RBFOX1: variants seen among roughly 807,000 people sequenced by gnomAD.
RBFOX1 encodes the protein RNA binding protein fox-1 homolog 1.
In RBFOX1, 8 loss-of-function variants were observed where a neutral mutation model predicts 57.7. The observed-to-expected ratio is 0.14, with a 90% CI of 0.08 to 0.25. The LOEUF (loss-of-function observed/expected upper bound fraction) is 0.25. RBFOX1 is among the 10% of genes least tolerant of loss of function. The pLI, the probability that RBFOX1 is intolerant of heterozygous loss-of-function variation, is 1.00. For missense variants in RBFOX1, 611 were observed against 548.5 expected, an observed-to-expected ratio of 1.11 and a Z score of -1.14; for synonymous variants, 326 against 222.4, an observed-to-expected ratio of 1.47 and a Z score of -4.15.
chr16:7,220,966 C>T (rs910266289), intron 4 of RBFOX1, among the ~76,000 whole-genome samples: 1 of 152,132 alleles, frequency 6.6e-6, no homozygotes, highest in Non-Finnish European at 1.5e-5. Context: ...GAGAAAGGGA[C>T]ACCTGTCCAG....
At chr16:5,281,482 G>C (rs749500875) in intron 1 of RBFOX1, among the ~76,000 whole-genome samples, 4 of 152,070 alleles carry the variant, frequency 2.6e-5, no homozygotes, top group African/African-American at 4.8e-5. Context: ...TTTCTTTGTT[G>C]ATTTTATATC....
In RBFOX1 at chr16:5,962,267, G is replaced by A. The variant is rs568270658; in HGVS notation, c.351+94932G>A. 2.6e-5 allele frequency among the ~76,000 whole-genome samples: 4 copies of A among 152,256 alleles called. No homozygotes were observed. The East Asian group carries it at 7.7e-4, about 29-fold the overall frequency. On this transcript the variant is annotated intron_variant, in intron 4 of 19. Transcript: ENST00000641259. ...TTCTCATCAAGCCTGAGCTATTACA[G>A]TATTTCCCTAAATTGTTTCCCAGAC...
chr16:7,197,176 T>C (rs908434676), intron 4 of RBFOX1, among the ~76,000 whole-genome samples: 1 of 152,176 alleles, frequency 6.6e-6, no homozygotes, highest in Non-Finnish European at 1.5e-5. Flanking sequence ...CTCCAGGCTG[T>C]TGAAACTAAG....
intron 1 of RBFOX1, among the ~76,000 whole-genome samples, chr16:6,109,292 A>G (rs2096417180): frequency 6.6e-6 from 1 of 152,160 alleles, no homozygotes; most frequent in African/African-American, 2.4e-5. Context: ...AATATGTAAT[A>G]TTTATATTTC....
chr16:5,740,941 T>A (rs557373162), intron 3 of RBFOX1, among the ~76,000 whole-genome samples: 79 of 152,224 alleles, frequency 5.2e-4, no homozygotes, highest in African/African-American at 1.8e-3. Context: ...ACTGGAGTCA[T>A]GATGAGTTGG....
intron 4 of RBFOX1, among the ~76,000 whole-genome samples, chr16:7,489,894 C>T (rs8051283): frequency 0.039 from 6,000 of 152,102 alleles, 370 homozygotes; most frequent in African/African-American, 0.14. Context: ...TTTAATGATG[C>T]ATGTACAATG....
intron 4 of RBFOX1, among the ~76,000 whole-genome samples, chr16:7,385,635 G>T (rs1381869074): frequency 1.3e-5 from 2 of 152,186 alleles, no homozygotes; most frequent in African/African-American, 4.8e-5. Flanking sequence ...GTTGAAACTT[G>T]TTTTCAAAAC....
chr16:7,313,200 C>T (rs904237688), intron 4 of RBFOX1, among the ~76,000 whole-genome samples: 59 of 152,338 alleles, frequency 3.9e-4, no homozygotes, highest in African/African-American at 1.4e-3. Flanking sequence ...TCTGCTTAAA[C>T]TCGTTGACAG....
intron 1 of RBFOX1, among the ~76,000 whole-genome samples, chr16:6,310,456 T>C (rs2080116573): frequency 6.6e-6 from 1 of 152,200 alleles, no homozygotes; most frequent in African/African-American, 2.4e-5. Flanking sequence ...GCGTAGCGCT[T>C]GGCTGTTTGG....
chr16:5,962,998 G>A (rs1341241618), intron 4 of RBFOX1, among the ~76,000 whole-genome samples: 1 of 151,910 alleles, frequency 6.6e-6, no homozygotes, highest in African/African-American at 2.4e-5. Context: ...TTTAGAAAGT[G>A]TTAACTTAAT....
intron 1 of RBFOX1, among the ~76,000 whole-genome samples, chr16:6,094,684 C>A (rs941618914): frequency 6.6e-6 from 1 of 152,200 alleles, no homozygotes; most frequent in Non-Finnish European, 1.5e-5. Flanking sequence ...TGCATCTTAT[C>A]CTATGACTCA....
intron 3 of RBFOX1, among the ~76,000 whole-genome samples, chr16:5,786,818 G>A (rs1046166963): frequency 4.6e-5 from 7 of 152,148 alleles, no homozygotes; most frequent in African/African-American, 1.4e-4. Context: ...AGTGATGGGA[G>A]GGAAGGAAGT....
At chr16:6,083,145 G>T (rs2096031975) in intron 1 of RBFOX1, among the ~76,000 whole-genome samples, 1 of 152,102 alleles carries the variant, frequency 6.6e-6, no homozygotes, top group African/African-American at 2.4e-5. Flanking sequence ...GGGACCAGAG[G>T]CATGCACTAC....
At chr16:5,536,930 T>C (rs545492048) in intron 2 of RBFOX1, among the ~76,000 whole-genome samples, 2 of 152,290 alleles carry the variant, frequency 1.3e-5, no homozygotes, top group African/African-American at 2.4e-5. Flanking sequence ...CTGGTTTACA[T>C]TGCTTACATA....
At chr16:7,248,546 T>A (rs1372177771) in intron 4 of RBFOX1, among the ~76,000 whole-genome samples, 1 of 152,184 alleles carries the variant, frequency 6.6e-6, no homozygotes, top group Non-Finnish European at 1.5e-5. Context: ...CACAGATGGT[T>A]TTACCTGTCA....
At chr16:6,024,910 C>A (rs2095158154) in intron 1 of RBFOX1, among the ~76,000 whole-genome samples, 1 of 152,186 alleles carries the variant, frequency 6.6e-6, no homozygotes, top group Non-Finnish European at 1.5e-5. Flanking sequence ...TAAAAGACTT[C>A]CGTTCTAGGA....
At chr16:6,834,621 A>G (rs554216962) in intron 3 of RBFOX1, among the ~76,000 whole-genome samples, 58 of 152,314 alleles carry the variant, frequency 3.8e-4, no homozygotes, top group African/African-American at 1.3e-3. Flanking sequence ...GGGATGACTA[A>G]GCAAGGGTAG....
At chr16:6,794,927 C>G (rs954850569) in intron 3 of RBFOX1, among the ~76,000 whole-genome samples, 2 of 152,132 alleles carry the variant, frequency 1.3e-5, no homozygotes, top group Admixed American at 1.3e-4. Context: ...GATGAGCAAA[C>G]TGAGACCTCA....
chr16:5,628,713 A>C (rs777527029), intron 3 of RBFOX1, among the ~76,000 whole-genome samples: 10 of 152,212 alleles, frequency 6.6e-5, no homozygotes, highest in Non-Finnish European at 8.8e-5. Flanking sequence ...GCCAGGGTTG[A>C]CATAGCAGTC....
Sources: gnomAD v4.1 joint callset for allele counts (sites outside exome capture counted in the v4.1 genomes callset) on GRCh38, gnomAD v4.1.1 for gene constraint, MANE v1.5 for transcripts, NCBI Gene and HGNC (gene_info 2026-07-23, HGNC 2026-07-21) for gene names.